ADAMTS18: variants seen among roughly 807,000 people sequenced by gnomAD.
ADAMTS18 encodes ADAM metallopeptidase with thrombospondin type 1 motif 18.
A neutral mutation model predicts 165.9 loss-of-function variants in ADAMTS18; 157 were observed. The ratio of observed to expected loss-of-function variants is 0.95; its 90% CI spans 0.83 to 1.08. The LOEUF (loss-of-function observed/expected upper bound fraction) is 1.08, where lower values mean the gene tolerates loss of function less well. Among genes scored for constraint, ADAMTS18 ranks in the 50% least tolerant of loss-of-function variants. The probability of loss-of-function intolerance (pLI) is 0.00; values close to 1 mark genes in which losing one functional copy is unlikely to be tolerated. For missense variants in ADAMTS18, 2,040 were observed against 1,534.0 expected (o/e 1.33, Z -5.51); for synonymous variants, 782 against 578.2 (o/e 1.35, Z -5.06).
intron 3 of ADAMTS18, among the ~76,000 whole-genome samples, chr16:77,369,468 G>C (rs918382830): frequency 6.6e-6 from 1 of 152,056 alleles, no homozygotes; most frequent in African/African-American, 2.4e-5. Flanking sequence ...GATGTAGGTG[G>C]TTAACGCCAA....
chr16:77,297,397 G>T lies in ADAMTS18; in HGVS notation c.2693C>A (p.Ala898Asp). 1 of 1,613,146 alleles carries T rather than the reference G, an allele frequency of 6.2e-7. No homozygotes were observed. Among genetic ancestry groups the T allele is most frequent in the Non-Finnish European group, 8.5e-7 (1 of 1,179,150 alleles). ...AGTATTTTGATCTCGCAAGCAAATG[G>T]CCTTTACATTTATGTAACCTGGTAA... ...SCGGGYINVKAICLRDQNTQV... is the reference protein window; with the variant it reads ...SCGGGYINVKDICLRDQNTQV... Residue 898 changes from alanine (A) to aspartate (D), a missense_variant, in exon 18 of 23, where the codon GCC (alanine) becomes GAC (aspartate). Transcript: ENST00000282849.
intron 10 of ADAMTS18, among the ~76,000 whole-genome samples, chr16:77,353,034 C>T (rs1239326424): frequency 2.0e-5 from 3 of 152,038 alleles, no homozygotes; most frequent in East Asian, 1.9e-4. Flanking sequence ...GAGCCAAGAT[C>T]GTGCCACTGC....
intron 3 of ADAMTS18, among the ~76,000 whole-genome samples, chr16:77,402,505 A>C (rs1300846066): frequency 6.6e-6 from 1 of 152,180 alleles, no homozygotes; most frequent in Non-Finnish European, 1.5e-5. Context: ...TGAGAAGGAA[A>C]AAACTGAATC....
intron 7 of ADAMTS18, 92 bp from the exon 8 acceptor site, chr16:77,359,515 T>C: frequency 9.6e-7 from 1 of 1,038,744 alleles, no homozygotes; most frequent in Non-Finnish European, 1.4e-6. Flanking sequence ...CTACACAGTT[T>C]TAGTTTAATA....
chr16:77,413,093 A>G (rs907140208), intron 3 of ADAMTS18, among the ~76,000 whole-genome samples: 2 of 152,314 alleles, frequency 1.3e-5, no homozygotes, highest in East Asian at 3.9e-4. Flanking sequence ...ATTCTGGCTA[A>G]TATGCACCCA....
At position 77,284,016 on chromosome 16, in the gene ADAMTS18, A is replaced by G. The variant is rs760988847; in HGVS notation, c.3606T>C (p.Gly1202=). The change falls in exon 23 of 23, where the codon GGT becomes GGC. Residue 1202 remains glycine (G), a synonymous_variant. Coordinates refer to ENST00000282849, the MANE Select transcript of ADAMTS18 (RefSeq NM_199355.4). The part of the protein sequence containing the change: ...FNWCHLVPQH[G]VCNHKFYGKQ... ...TTCCGTAAAACTTGTGGTTGCAGAC[A>G]CCATGCTGAGGAACTAGGTGACACC... 2 of 1,613,894 alleles carry G rather than the reference A, an allele frequency of 1.2e-6. No individual in the cohort carries two copies. The highest frequency in any genetic ancestry group is 2.2e-5 in the East Asian group (1 of 44,872).
At chr16:77,431,015 A>C (rs1239011390) in intron 3 of ADAMTS18, among the ~76,000 whole-genome samples, 1 of 152,256 alleles carries the variant, frequency 6.6e-6, no homozygotes, top group Non-Finnish European at 1.5e-5. Context: ...AATGGCATCC[A>C]TCAAGTTAAT....
chr16:77,346,865 T>C (rs1038466367), intron 10 of ADAMTS18, among the ~76,000 whole-genome samples: 81 of 152,206 alleles, frequency 5.3e-4, no homozygotes, highest in Non-Finnish European at 3.4e-4. Flanking sequence ...AGTGTACTGT[T>C]CCATGCATTT....
intron 3 of ADAMTS18, among the ~76,000 whole-genome samples, chr16:77,377,305 T>C (rs1006873658): frequency 6.6e-6 from 1 of 152,144 alleles, no homozygotes; most frequent in Non-Finnish European, 1.5e-5. Context: ...TTAGGATGAG[T>C]GCACAATTAA....
intron 3 of ADAMTS18, among the ~76,000 whole-genome samples, chr16:77,430,120 T>A (rs2057720591): frequency 6.6e-6 from 1 of 151,690 alleles, no homozygotes; most frequent in South Asian, 2.1e-4. Context: ...AAGGGGATGC[T>A]AAGTAAAGAG....
intron 11 of ADAMTS18, among the ~76,000 whole-genome samples, chr16:77,337,376 T>G (rs1283201011): frequency 6.6e-6 from 1 of 152,220 alleles, no homozygotes; most frequent in Non-Finnish European, 1.5e-5. Flanking sequence ...GTGCCAAAAA[T>G]GATGCAGAGA....
At chr16:77,377,022 C>G (rs762908053) in intron 3 of ADAMTS18, among the ~76,000 whole-genome samples, 6 of 151,994 alleles carry the variant, frequency 3.9e-5, no homozygotes, top group Non-Finnish European at 8.8e-5. Flanking sequence ...ATCACATTGG[C>G]CAGGCTGGTC....
At chr16:77,296,221 T>C (rs2055469003) in intron 18 of ADAMTS18, among the ~76,000 whole-genome samples, 1 of 152,176 alleles carries the variant, frequency 6.6e-6, no homozygotes, top group African/African-American at 2.4e-5. Flanking sequence ...TCCCTTTAAC[T>C]GGGAAGATTA....
chr16:77,434,121 T>G (rs1029192497), intron 2 of ADAMTS18, among the ~76,000 whole-genome samples: 1 of 151,288 alleles, frequency 6.6e-6, no homozygotes, highest in Non-Finnish European at 1.5e-5. Context: ...AATGTCCACT[T>G]CCCTTCGAAT....
At chr16:77,426,944 G>C (rs1393833517) in intron 3 of ADAMTS18, among the ~76,000 whole-genome samples, 1 of 152,186 alleles carries the variant, frequency 6.6e-6, no homozygotes, top group South Asian at 2.1e-4. Context: ...AGCCTGGGAA[G>C]TTGAGGCTCC....
At chr16:77,292,341 G>A (rs1033076256) in intron 20 of ADAMTS18, among the ~76,000 whole-genome samples, 5 of 152,152 alleles carry the variant, frequency 3.3e-5, no homozygotes, top group South Asian at 4.1e-4. Flanking sequence ...TATTTCTAGT[G>A]TGTCACCCAA....
chr16:77,295,645 G>A (rs188096618), intron 18 of ADAMTS18, among the ~76,000 whole-genome samples: 160 of 152,296 alleles, frequency 1.1e-3, no homozygotes, highest in Non-Finnish European at 1.5e-3. Flanking sequence ...GGTTTGTGCA[G>A]GAGAGAGGGG....
intron 16 of ADAMTS18, among the ~76,000 whole-genome samples, chr16:77,307,346 C>G (rs2055699820): frequency 6.6e-6 from 1 of 152,146 alleles, no homozygotes; most frequent in South Asian, 2.1e-4. Flanking sequence ...GCTGGAAGAA[C>G]ATGACCAGGT....
intron 3 of ADAMTS18, among the ~76,000 whole-genome samples, chr16:77,388,359 C>CA (rs1249659647): frequency 6.6e-6 from 1 of 152,178 alleles, no homozygotes; most frequent in African/African-American, 2.4e-5. Context: ...CTCAGCCTCC[C>CA]AAAGTGCTGG....
Sources: allele counts gnomAD v4.1 joint callset (sites outside exome capture counted in the v4.1 genomes callset), GRCh38; gene constraint gnomAD v4.1.1; transcripts MANE v1.5; gene names NCBI Gene and HGNC (gene_info 2026-07-23, HGNC 2026-07-21).